The following LMBR1 variants were observed in gnomAD, a reference collection of about 807,000 sequenced individuals.
The protein encoded by LMBR1 is limb region 1 protein homolog.
Under a neutral mutation model 73.9 loss-of-function variants are expected in LMBR1, and 52 were observed. The observed-to-expected ratio is 0.70, with a 90% CI of 0.56 to 0.89. The LOEUF is 0.89. LMBR1 is among the 40% of genes least tolerant of loss of function. The pLI is 0.00. For missense variants in LMBR1, 539 were observed against 579.8 expected (o/e 0.93, Z 0.72); for synonymous variants, 215 against 209.4 (o/e 1.03, Z -0.23).
At chr7:156,807,745 G>A (rs1001861657) in intron 4 of LMBR1, among the ~76,000 whole-genome samples, 2 of 152,032 alleles carry the variant, frequency 1.3e-5, no homozygotes, top group Non-Finnish European at 2.9e-5. Context: ...TGTAATACAG[G>A]TATTTCGTGC....
chr7:156,736,080 T>C (rs1404149857), intron 9 of LMBR1, among the ~76,000 whole-genome samples: 1 of 152,176 alleles, frequency 6.6e-6, no homozygotes, highest in Admixed American at 6.5e-5. Context: ...TCCCAGTCTG[T>C]ATGTCACTAT....
chr7:156,717,873 T>A (rs1297201013), intron 15 of LMBR1, among the ~76,000 whole-genome samples: 1 of 152,176 alleles, frequency 6.6e-6, no homozygotes, highest in Non-Finnish European at 1.5e-5. Context: ...AACACATGTA[T>A]ACATATGCAC....
At chr7:156,814,954 C>T (rs1309471531) in intron 4 of LMBR1, among the ~76,000 whole-genome samples, 4 of 151,138 alleles carry the variant, frequency 2.6e-5, no homozygotes, top group East Asian at 1.9e-4. Flanking sequence ...GTTGAGAGCT[C>T]GAGACCACCC....
intron 9 of LMBR1, among the ~76,000 whole-genome samples, chr7:156,754,369 A>C (rs1821472262): frequency 6.6e-6 from 1 of 152,172 alleles, no homozygotes; most frequent in Non-Finnish European, 1.5e-5. Context: ...TTTAAAAAAA[A>C]TACTGTTATT....
At chr7:156,862,417 G>C (rs1468711263) in intron 1 of LMBR1, among the ~76,000 whole-genome samples, 3 of 151,796 alleles carry the variant, frequency 2.0e-5, no homozygotes, top group Admixed American at 6.6e-5. Context: ...GATTTGGTGG[G>C]GGACACAGCC....
rs372506646 is a variant in LMBR1, at chr7:156,749,693, C to G, written c.757+6700G>C. 6.9e-4 allele frequency among the ~76,000 whole-genome samples: 105 copies of G among 152,080 alleles called. 1 individual carries two copies. In the South Asian group the frequency reaches 0.021, roughly 31 times the overall value. ...TTAATACAAGCTTCAATGGCAAGGACTTTTTCGTTTTTTTTAGATGGAGTC... is the reference window on the plus strand; with the variant it reads ...TTAATACAAGCTTCAATGGCAAGGAGTTTTTCGTTTTTTTTAGATGGAGTC... On this transcript the variant is annotated intron_variant, in intron 9 of 16. Coordinates refer to ENST00000353442, the MANE Select transcript of LMBR1 (RefSeq NM_022458.4).
At chr7:156,833,284 T>C (rs144319219) in intron 3 of LMBR1, among the ~76,000 whole-genome samples, 1 of 152,224 alleles carries the variant, frequency 6.6e-6, no homozygotes, top group African/African-American at 2.4e-5. Context: ...CTGCTTTCCA[T>C]TCAGTTTGAT....
chr7:156,865,377 AGAG>A (rs1798308710), intron 1 of LMBR1, among the ~76,000 whole-genome samples: 1 of 152,172 alleles, frequency 6.6e-6, no homozygotes. Context: ...ATTTAACAAA[AGAG>A]GAGTCAAACT....
intron 1 of LMBR1, among the ~76,000 whole-genome samples, chr7:156,889,369 A>G (rs1802507716): frequency 6.7e-6 from 1 of 149,884 alleles, no homozygotes; most frequent in African/African-American, 2.5e-5. Context: ...CATGTTATAT[A>G]TATATATCTT....
At chr7:156,854,932 A>G (rs1796734540) in intron 1 of LMBR1, among the ~76,000 whole-genome samples, 1 of 152,252 alleles carries the variant, frequency 6.6e-6, no homozygotes, top group Non-Finnish European at 1.5e-5. Flanking sequence ...TACTTCAAAC[A>G]GTAAGCAGCC....
At chr7:156,819,567 A>G (rs1834435954) in intron 4 of LMBR1, among the ~76,000 whole-genome samples, 1 of 152,234 alleles carries the variant, frequency 6.6e-6, no homozygotes, top group African/African-American at 2.4e-5. Context: ...ACATTTTCTG[A>G]GTACTCACAG....
intron 5 of LMBR1, among the ~76,000 whole-genome samples, chr7:156,778,913 A>G (rs1479139361): frequency 6.6e-6 from 1 of 152,224 alleles, no homozygotes; most frequent in Non-Finnish European, 1.5e-5. Flanking sequence ...ATCAGGAGCT[A>G]GAAAGCCCCG....
intron 1 of LMBR1, among the ~76,000 whole-genome samples, chr7:156,878,157 C>T (rs1230935140): frequency 6.6e-6 from 1 of 152,120 alleles, no homozygotes; most frequent in Non-Finnish European, 1.5e-5. Flanking sequence ...AAAGGATGCC[C>T]ACTCTCACCA....
At chr7:156,750,278 G>A (rs1028285170) in intron 9 of LMBR1, among the ~76,000 whole-genome samples, 1 of 147,266 alleles carries the variant, frequency 6.8e-6, no homozygotes, top group Non-Finnish European at 1.5e-5. Context: ...AACATGTTAA[G>A]TGTGCGTGTG....
At chr7:156,684,836 A>T (rs2131852276) in intron 16 of LMBR1, among the ~76,000 whole-genome samples, 1 of 152,246 alleles carries the variant, frequency 6.6e-6, no homozygotes, top group Non-Finnish European at 1.5e-5. Flanking sequence ...TCATGCCTAT[A>T]ATCCCAGCAC....
At chr7:156,686,678 T>A (rs755523067) in intron 16 of LMBR1, among the ~76,000 whole-genome samples, 1 of 152,196 alleles carries the variant, frequency 6.6e-6, no homozygotes, top group Non-Finnish European at 1.5e-5. Context: ...ATTACTTTAA[T>A]AAAGGCTTTC....
Position 156,681,083 on chromosome 7 carries a change from A to AT in LMBR1, c.*2994dup. On this transcript the variant is annotated 3_prime_UTR_variant, in exon 17 of 17. Transcript: ENST00000353442. ...AAGTCGGTGCTGCATCTATGTTCAC[A>AT]TTAAAAAAAAAAACTTGTAAGAATT... 1 of 402,312 alleles carries AT rather than the reference A, an allele frequency of 2.5e-6. No homozygotes were observed. The highest frequency in any genetic ancestry group is 3.5e-5 in the Admixed American group (1 of 28,684). 24.9% of individuals were successfully genotyped at this position (402,312 alleles called of 1,614,324 possible). A position where few individuals can be genotyped will look rare whatever the true frequency, so the allele number is the denominator to read the frequency against.
rs115465818 is a variant in LMBR1 at position 156,683,775 on chromosome 7, A to G, written c.*303T>C. 2.8e-3 allele frequency: 690 copies of G among 249,674 alleles called. 2 individuals carry two copies. The highest frequency in any genetic ancestry group is 0.014 in the African/African-American group (643 of 45,026). The allele number at this position is 249,674 out of a possible 1,614,324, so 15.5% of individuals were successfully genotyped here. On this transcript the variant is annotated 3_prime_UTR_variant, in exon 17 of 17. Coordinates refer to ENST00000353442, the MANE Select transcript of LMBR1 (RefSeq NM_022458.4). ...AACATTTTCATATCAGGTGAAAACAATTTTTTCATATGGGTGATTGTATTT... is the reference window on the plus strand; with the variant it reads ...AACATTTTCATATCAGGTGAAAACAGTTTTTTCATATGGGTGATTGTATTT...
At chr7:156,726,723 A>G (rs1227730211) in intron 12 of LMBR1, among the ~76,000 whole-genome samples, 1 of 152,180 alleles carries the variant, frequency 6.6e-6, no homozygotes, top group African/African-American at 2.4e-5. Flanking sequence ...CTACTCCAAA[A>G]TTTGGGACCT....
Sources: gnomAD v4.1 joint callset for allele counts (sites outside exome capture counted in the v4.1 genomes callset) on GRCh38, gnomAD v4.1.1 for gene constraint, MANE v1.5 for transcripts, NCBI Gene and HGNC (gene_info 2026-07-23, HGNC 2026-07-21) for gene names.